Variants in ACVR1B observed in about 807,000 individuals in gnomAD.
ACVR1B encodes activin receptor type-1B.
ACVR1B carries 15 observed loss-of-function variants against 55.6 expected under a neutral mutation model. The ratio of observed to expected loss-of-function variants is 0.27; its 90% CI spans 0.18 to 0.42. The LOEUF (loss-of-function observed/expected upper bound fraction) is 0.42, where lower values mean the gene tolerates loss of function less well. Ranked by LOEUF, ACVR1B falls within the 10% of genes least tolerant of loss-of-function variation. ACVR1B has a pLI of 1.00. For synonymous variants in ACVR1B, 247 were observed against 254.6 expected (o/e 0.97, Z 0.28); for missense variants, 359 against 670.1 (o/e 0.54, Z 5.13).
chr12:51,963,531 C>T (rs59050332), intron 1 of ACVR1B, among the ~76,000 whole-genome samples: 2,505 of 152,330 alleles, frequency 0.016, 25 homozygotes, highest in Non-Finnish European at 0.02. Context: ...AGCCACCACG[C>T]CTGGCCGACA....
rs374594559 is a variant in ACVR1B at position 51,992,788 on chromosome 12, G to A, written c.1392+795G>A. ...GGATTGGGATGGAGAATGTGAATTTGGGAGAGACGGCAGATGAAATCAGGG... is the reference window on the plus strand; with the variant it reads ...GGATTGGGATGGAGAATGTGAATTTAGGAGAGACGGCAGATGAAATCAGGG... On this transcript the variant is annotated intron_variant, in intron 8 of 8. Coordinates refer to ENST00000257963, the MANE Select transcript of ACVR1B (RefSeq NM_004302.5). Among the ~76,000 whole-genome samples, 8 of 152,274 alleles carry A rather than the reference G, an allele frequency of 5.3e-5. No individual in the cohort carries two copies. The South Asian group carries it at 1.7e-3, about 32-fold the overall frequency.
chr12:51,982,650 G>C, intron 4 of ACVR1B: 2 of 1,502,942 alleles, frequency 1.3e-6, no homozygotes, highest in Non-Finnish European at 1.8e-6. Flanking sequence ...AAAGCCTACA[G>C]AAGATGCTAT....
chr12:51,952,734 TTA>T (rs1941326961), intron 1 of ACVR1B, among the ~76,000 whole-genome samples: 1 of 152,136 alleles, frequency 6.6e-6, no homozygotes, highest in Admixed American at 6.5e-5. Flanking sequence ...CCAAGATTAT[TTA>T]AAGATCCCAC....
intron 2 of ACVR1B, 48 bp from the exon 3 acceptor site, chr12:51,976,279 C>G (rs759299757): frequency 6.2e-7 from 1 of 1,609,366 alleles, no homozygotes; most frequent in Non-Finnish European, 8.5e-7. Context: ...TACTCTTTCC[C>G]TTGTTTTTAC....
chr12:51,964,082 C>T (rs1488504499), intron 1 of ACVR1B, among the ~76,000 whole-genome samples: 1 of 152,188 alleles, frequency 6.6e-6, no homozygotes, highest in East Asian at 1.9e-4. Flanking sequence ...GTTTGCAGGC[C>T]ATTTGTATAT....
Position 51,994,473 on chromosome 12 carries a change from G to A in ACVR1B, c.*363G>A, listed in dbSNP as rs1942261858. The A allele has an allele frequency of 7.6e-6, 2 of 261,828 alleles. No individual in the cohort carries two copies. The highest frequency in any genetic ancestry group is 1.5e-5 in the Non-Finnish European group (2 of 133,828). 16.2% of individuals were successfully genotyped at this position (261,828 alleles called of 1,614,324 possible). ...GGCCGGAGGAACCGAGGTGTTGCCA[G>A]TGCTAAGCTGCCCTGAGGGTTTCCT... is the stretch of plus-strand genomic sequence containing the variant. On this transcript the variant is annotated 3_prime_UTR_variant, in exon 9 of 9. Transcript: ENST00000257963. The surrounding 1 kb of genome is among the most constrained non-coding windows in gnomAD (Gnocchi z 4.2).
At chr12:51,953,218 A>G (rs1371217795) in intron 1 of ACVR1B, among the ~76,000 whole-genome samples, 1 of 152,148 alleles carries the variant, frequency 6.6e-6, no homozygotes, top group Non-Finnish European at 1.5e-5. Context: ...TCTTACACTA[A>G]AAATAATGAT....
intron 1 of ACVR1B, among the ~76,000 whole-genome samples, chr12:51,964,144 A>T (rs1310151174): frequency 6.6e-6 from 1 of 152,060 alleles, no homozygotes; most frequent in Non-Finnish European, 1.5e-5. Context: ...GGTTTTTTAA[A>T]AATTATGTTT....
chr12:51,963,987 G>A (rs1015618543), intron 1 of ACVR1B, among the ~76,000 whole-genome samples: 2 of 152,108 alleles, frequency 1.3e-5, no homozygotes, highest in African/African-American at 4.8e-5. Context: ...CCTTCCTAGT[G>A]GATATAAAGT....
Position 51,982,834 on chromosome 12 carries a change from C to T in ACVR1B, c.812-1165C>T, listed in dbSNP as rs962248820. On this transcript the variant is annotated intron_variant, in intron 4 of 8. Transcript: ENST00000257963. ...GTAAGCTATTCCTTTTTAAAACTAT[C>T]ACCTTTTGATAAAATTTAAATCTTA... 4.7e-6 allele frequency: 7 copies of T among 1,476,362 alleles called. No individual in the cohort carries two copies. In the South Asian group the frequency reaches 9.4e-5, roughly 20 times the overall value. 91.5% of individuals were successfully genotyped at this position (1,476,362 alleles called of 1,614,324 possible).
intron 1 of ACVR1B, among the ~76,000 whole-genome samples, chr12:51,961,240 T>C (rs891744548): frequency 1.3e-5 from 2 of 152,246 alleles, no homozygotes; most frequent in African/African-American, 4.8e-5. Flanking sequence ...GCTTATTTGT[T>C]ATATGGCTTC....
At chr12:51,983,932 C>CT (rs1942029628) in intron 4 of ACVR1B, 67 bp from the exon 5 acceptor site, 3 of 1,562,484 alleles carry the variant, frequency 1.9e-6, no homozygotes, top group Non-Finnish European at 2.6e-6. Context: ...TACACTCATC[C>CT]TTACCAACCT....
chr12:51,974,488 C>T (rs1211953379), intron 1 of ACVR1B, among the ~76,000 whole-genome samples: 1 of 151,078 alleles, frequency 6.6e-6, no homozygotes, highest in Non-Finnish European at 1.5e-5. Flanking sequence ...ATTGTGTACA[C>T]TGCCTGTTTG....
chr12:51,983,538 C>T (rs759194195), intron 4 of ACVR1B, among the ~76,000 whole-genome samples: 3 of 152,128 alleles, frequency 2.0e-5, no homozygotes, highest in African/African-American at 7.2e-5. Context: ...TTCAGAGGGT[C>T]GCTGGGACAC....
intron 1 of ACVR1B, 115 bp downstream of exon 1, chr12:51,951,949 C>T (rs1466177204): frequency 7.3e-6 from 4 of 546,796 alleles, no homozygotes; most frequent in Non-Finnish European, 1.1e-5. Flanking sequence ...ACAATATGGC[C>T]GGGTGGGGGG....
At chr12:51,976,249 C>A in intron 2 of ACVR1B, 78 bp from the exon 3 acceptor site, 1 of 1,546,234 alleles carries the variant, frequency 6.5e-7, no homozygotes, top group South Asian at 1.1e-5. Context: ...TTTCACTCTT[C>A]ACTTTGAGGG....
chr12:51,990,493 T>G (rs538019052), intron 7 of ACVR1B, among the ~76,000 whole-genome samples: 1 of 151,914 alleles, frequency 6.6e-6, no homozygotes, highest in Non-Finnish European at 1.5e-5. Context: ...TTTTGTATTT[T>G]TTGTGGAGAC....
intron 1 of ACVR1B, among the ~76,000 whole-genome samples, chr12:51,954,403 C>G (rs1373959149): frequency 6.6e-6 from 1 of 152,130 alleles, no homozygotes; most frequent in African/African-American, 2.4e-5. Flanking sequence ...TTTCTCAAGA[C>G]AAAAGCAACA....
At chr12:51,977,297 T>C (rs1300913770) in intron 3 of ACVR1B, among the ~76,000 whole-genome samples, 3 of 152,096 alleles carry the variant, frequency 2.0e-5, no homozygotes, top group Non-Finnish European at 4.4e-5. Flanking sequence ...ACTTACTTAT[T>C]TATGTATTTA....
Sources: gnomAD v4.1 joint callset for allele counts (sites outside exome capture counted in the v4.1 genomes callset) on GRCh38, gnomAD v4.1.1 for gene constraint, Gnocchi (gnomAD v3.1) non-coding constraint, MANE v1.5 for transcripts, NCBI Gene and HGNC (gene_info 2026-07-23, HGNC 2026-07-21) for gene names.